CDH18: variants seen among roughly 807,000 people sequenced by gnomAD.
CDH18 encodes cadherin 18, also known as cadherin-18.
In CDH18, 31 loss-of-function variants were observed where a neutral mutation model predicts 67.9. The ratio of observed to expected loss-of-function variants is 0.46; its 90% CI spans 0.34 to 0.62. The LOEUF (loss-of-function observed/expected upper bound fraction) is 0.62. CDH18 is among the 20% of genes least tolerant of loss of function. The pLI is 0.01. For synonymous variants in CDH18, 362 were observed against 347.2 expected (o/e 1.04, Z -0.48); for missense variants, 890 against 975.5 (o/e 0.91, Z 1.17).
chr5:20,242,615 T>TATATAC, intron 2 of CDH18, among the ~76,000 whole-genome samples: 3 of 117,912 alleles, frequency 2.5e-5, no homozygotes, highest in African/African-American at 3.8e-5. Context: ...AAAAAAAATA[T>TATATAC]ATATATATAT....
At chr5:19,489,277 T>G (rs1234070269) in intron 11 of CDH18, among the ~76,000 whole-genome samples, 1 of 148,134 alleles carries the variant, frequency 6.8e-6, no homozygotes, top group Non-Finnish European at 1.5e-5. Flanking sequence ...AGACTGAGTC[T>G]CTCTCTGTCG....
intron 10 of CDH18, among the ~76,000 whole-genome samples, chr5:19,505,571 A>G (rs1743993979): frequency 6.6e-6 from 1 of 151,796 alleles, no homozygotes; most frequent in South Asian, 2.1e-4. Flanking sequence ...ATCTATTGAT[A>G]TAATCATGTG....
intron 10 of CDH18, among the ~76,000 whole-genome samples, chr5:19,518,172 A>C: frequency 6.6e-6 from 1 of 152,208 alleles, no homozygotes; most frequent in South Asian, 2.1e-4. Context: ...CATATAAAAT[A>C]ATAATCTTAA....
intron 5 of CDH18, among the ~76,000 whole-genome samples, chr5:19,663,466 T>C (rs974288157): frequency 2.0e-5 from 3 of 151,996 alleles, no homozygotes; most frequent in African/African-American, 4.8e-5. Context: ...CATACATCTA[T>C]ATTTTTAGCT....
intron 1 of CDH18, among the ~76,000 whole-genome samples, chr5:20,367,456 C>T (rs753651398): frequency 8.5e-5 from 13 of 152,202 alleles, no homozygotes; most frequent in African/African-American, 2.4e-4. Context: ...CCAAAGGAGG[C>T]GGGTTCTATG....
chr5:19,990,780 G>GAAA (rs199824491), upstream of CDH18, among the ~76,000 whole-genome samples: 716 of 151,382 alleles, frequency 4.7e-3, 2 homozygotes, highest in African/African-American at 0.014. Context: ...AAACACAAAA[G>GAAA]AAAAGAAGAA....
intron 5 of CDH18, among the ~76,000 whole-genome samples, chr5:19,664,234 A>C (rs928270091): frequency 4.0e-5 from 6 of 151,864 alleles, no homozygotes; most frequent in Non-Finnish European, 8.8e-5. Context: ...ATATTCATGG[A>C]CACTCAACAT....
At chr5:20,245,119 T>C (rs989659215) in intron 2 of CDH18, among the ~76,000 whole-genome samples, 1 of 152,128 alleles carries the variant, frequency 6.6e-6, no homozygotes, top group Non-Finnish European at 1.5e-5. Context: ...TTCTTTTCCT[T>C]GCAGAGCAGG....
intron 2 of CDH18, among the ~76,000 whole-genome samples, chr5:20,060,231 G>A (rs531982528): frequency 1.1e-4 from 16 of 152,196 alleles, no homozygotes; most frequent in South Asian, 4.2e-4. Context: ...TTGGGAGGCC[G>A]AGGTGGGCAG....
chr5:19,972,701 G>A (rs1479168688), intron 2 of CDH18, among the ~76,000 whole-genome samples: 1 of 151,812 alleles, frequency 6.6e-6, no homozygotes, highest in Non-Finnish European at 1.5e-5. Context: ...AACCACTTTG[G>A]AATATGATTT....
At chr5:20,506,527 C>A (rs551748540) in intron 1 of CDH18, among the ~76,000 whole-genome samples, 1 of 152,172 alleles carries the variant, frequency 6.6e-6, no homozygotes, top group Non-Finnish European at 1.5e-5. Flanking sequence ...ATGCTGCCAG[C>A]AACCACGTAA....
In CDH18 at chr5:20,306,092, A is replaced by G. The variant is rs548087762; in HGVS notation, c.-579-50587T>C. 2.0e-5 allele frequency among the ~76,000 whole-genome samples: 3 copies of G among 152,342 alleles called. No homozygotes were observed. The East Asian group carries it at 5.8e-4, about 29-fold the overall frequency. ...GATCAGAACTTTTGAAGACTTCTAC[A>G]CACAGCCTTGCTTCCTCAAATTCTA... On this transcript the variant is annotated intron_variant, in intron 1 of 14. Coordinates refer to the CDH18 transcript ENST00000507958.
intron 12 of CDH18, among the ~76,000 whole-genome samples, chr5:19,480,802 G>A (rs1362271428): frequency 6.6e-6 from 1 of 152,016 alleles, no homozygotes; most frequent in African/African-American, 2.4e-5. Flanking sequence ...CCAGGCTGAA[G>A]TGCGGTGGTG....
At chr5:19,852,418 C>T (rs577254762) in intron 2 of CDH18, among the ~76,000 whole-genome samples, 34 of 151,870 alleles carry the variant, frequency 2.2e-4, no homozygotes, top group Non-Finnish European at 3.8e-4. Flanking sequence ...AAACAGTAAC[C>T]GTTCTCATTG....
chr5:19,624,082 A>G (rs576558081), intron 5 of CDH18, among the ~76,000 whole-genome samples: 1 of 151,174 alleles, frequency 6.6e-6, no homozygotes, highest in South Asian at 2.1e-4. Context: ...ATCTTGGCTC[A>G]CTGCAAACTC....
intron 2 of CDH18, among the ~76,000 whole-genome samples, chr5:20,134,721 T>C (rs932120260): frequency 6.6e-6 from 1 of 152,126 alleles, no homozygotes; most frequent in African/African-American, 2.4e-5. Flanking sequence ...GTGTTTTGTT[T>C]TGTTTTGGTT....
chr5:19,640,010 T>C (rs1299920964), intron 5 of CDH18, among the ~76,000 whole-genome samples: 2 of 152,126 alleles, frequency 1.3e-5, no homozygotes, highest in African/African-American at 4.8e-5. Context: ...CAACATACTA[T>C]ACCCAGAGAA....
chr5:19,490,805 A>T (rs1280517769), intron 11 of CDH18, among the ~76,000 whole-genome samples: 1 of 152,092 alleles, frequency 6.6e-6, no homozygotes, highest in Non-Finnish European at 1.5e-5. Flanking sequence ...GTAGGAGTAA[A>T]AAGGTGAGAG....
intron 1 of CDH18, among the ~76,000 whole-genome samples, chr5:20,365,096 T>C (rs1742398476): frequency 6.6e-6 from 1 of 152,190 alleles, no homozygotes. Flanking sequence ...CCGGATGATT[T>C]AAACAGCAAA....
Sources: allele counts gnomAD v4.1 joint callset (sites outside exome capture counted in the v4.1 genomes callset), GRCh38; gene constraint gnomAD v4.1.1; transcripts MANE v1.5; gene names NCBI Gene and HGNC (gene_info 2026-07-23, HGNC 2026-07-21).